Variants in TMEM132A observed in about 807,000 individuals in gnomAD.
TMEM132A encodes the protein GRP78-binding protein.
In TMEM132A, 48 loss-of-function variants were observed where a neutral mutation model predicts 69.9. The observed-to-expected ratio is 0.69, with a 90% confidence interval of 0.55 to 0.87. The LOEUF is 0.87. TMEM132A is among the 40% of genes least tolerant of loss of function. TMEM132A has a pLI of 0.00. For synonymous variants in TMEM132A, 577 were observed against 613.7 expected (o/e 0.94, Z 0.88); for missense variants, 1,287 against 1,407.2 (o/e 0.91, Z 1.37).
At position 60,927,734 on chromosome 11, in the gene TMEM132A, C is replaced by T. The variant is rs903604983; in HGVS notation, c.409C>T (p.Pro137Ser). Residue 137 changes from proline (P) to serine (S), a missense_variant, in exon 3 of 11, where the codon CCC (proline) becomes TCC (serine). Transcript: ENST00000453848. The part of the protein sequence containing the change: ...SVEAAVTPAE[P>S]YARVLFHLKG... Reference sequence around the variant, plus strand: ...GGAAGCGGCTGTGACTCCAGCAGAGCCCTACGCCCGGGTTCTCTTCCACCT... The same window carrying T: ...GGAAGCGGCTGTGACTCCAGCAGAGTCCTACGCCCGGGTTCTCTTCCACCT... The T allele has an allele frequency of 7.4e-6, 12 of 1,613,460 alleles. No individual in the cohort carries two copies. The highest frequency in any genetic ancestry group is 6.7e-5 in the African/African-American group (5 of 74,940).
At chr11:60,931,059 A>C (rs1396076842) in intron 5 of TMEM132A, among the ~76,000 whole-genome samples, 1 of 152,164 alleles carries the variant, frequency 6.6e-6, no homozygotes, top group East Asian at 1.9e-4. Flanking sequence ...TCATGCCCTG[A>C]GCCTGGGTCA....
Position 60,928,651 on chromosome 11 carries a change from T to C in TMEM132A, c.557T>C (p.Val186Ala). The C allele has an allele frequency of 6.2e-7, 1 of 1,609,752 alleles. No individual in the cohort carries two copies. Among genetic ancestry groups the C allele is most frequent in the Non-Finnish European group, 8.5e-7 (1 of 1,179,938 alleles). The change falls in exon 4 of 11, where the codon GTG (valine) becomes GCG (alanine). Residue 186 changes from valine (V) to alanine (A), a missense_variant. Coordinates refer to ENST00000453848, the MANE Select transcript of TMEM132A (RefSeq NM_178031.3). Reference sequence around the variant, plus strand: ...CAGCCATCCCTGGGCGCCTGCGTGGTGGAGCTGGAGCTTCCCTCGCACTGG... The same window carrying C: ...CAGCCATCCCTGGGCGCCTGCGTGGCGGAGCTGGAGCTTCCCTCGCACTGG... Reference protein sequence around the residue: ...RFQPSLGACVVELELPSHWFS... With the variant: ...RFQPSLGACVAELELPSHWFS...
chr11:60,934,396 C>T (rs1042163645), intron 8 of TMEM132A, 92 bp from the exon 9 acceptor site: 3 of 1,181,810 alleles, frequency 2.5e-6, no homozygotes, highest in South Asian at 4.6e-5. Flanking sequence ...TAGGAGCCGC[C>T]GGGGACGAGC....
Position 60,933,599 on chromosome 11 carries a change from GGGGT to G in TMEM132A, c.1416_1419del (p.Val473GlufsTer15). Reference sequence around the variant, plus strand: ...TGGCAAGGAGAGCCGGGGCGCCCGGGGGGTGCGAGTGGACTTCTGGTGGCGCCGG... The same window carrying G: ...TGGCAAGGAGAGCCGGGGCGCCCGGGGCGAGTGGACTTCTGGTGGCGCCGG... On this transcript the variant is annotated frameshift_variant, in exon 8 of 11. Coordinates refer to ENST00000453848, the MANE Select transcript of TMEM132A (RefSeq NM_178031.3). LOFTEE classifies it high-confidence loss of function. 6.2e-7 allele frequency: 1 copy of G among 1,607,340 alleles called. No homozygotes were observed. The highest frequency in any genetic ancestry group is 8.5e-7 in the Non-Finnish European group (1 of 1,179,318).
rs1856578040 is a variant in TMEM132A at position 60,935,648 on chromosome 11, TCTAA to T, written c.2028+208_2029-210del. ...GGCAGTGGGAGGTTGGTTAGATGGC[TCTAA>T]CTGAGGACCCTCCCAATAACTCAGA... On this transcript the variant is annotated intron_variant, in intron 10 of 10. Coordinates refer to ENST00000453848, the MANE Select transcript of TMEM132A (RefSeq NM_178031.3). The surrounding 1 kb of genome is among the most constrained non-coding windows in gnomAD (Gnocchi z 5.0). 1.5e-5 allele frequency: 12 copies of T among 776,868 alleles called. No individual in the cohort carries two copies. The highest frequency in any genetic ancestry group is 3.7e-5 in the South Asian group (2 of 54,670). 48.1% of individuals were successfully genotyped at this position (776,868 alleles called of 1,614,324 possible).
At chr11:60,928,498 G>A in intron 3 of TMEM132A, 131 bp from the exon 4 acceptor site, 3 of 851,998 alleles carry the variant, frequency 3.5e-6, no homozygotes, top group Non-Finnish European at 3.6e-6. Context: ...CTCAGGCTGT[G>A]TCTCCGGCCC....
rs1856606830 is a variant in TMEM132A, at chr11:60,936,536, G to A, written c.2701G>A (p.Asp901Asn). 2.5e-6 allele frequency: 4 copies of A among 1,613,026 alleles called. No individual in the cohort carries two copies. The highest frequency in any genetic ancestry group is 1.3e-5 in the African/African-American group (1 of 74,928). Residue 901 changes from aspartate to asparagine, a missense_variant, in exon 11 of 11, where the codon GAC becomes AAC. Coordinates refer to ENST00000453848, the MANE Select transcript of TMEM132A (RefSeq NM_178031.3). ...QPHNWVWLGTDQEELSRQLDR... is the reference protein window; with the variant it reads ...QPHNWVWLGTNQEELSRQLDR... Reference sequence around the variant, plus strand: ...CCACAACTGGGTCTGGCTGGGCACTGACCAGGAGGAACTGAGCCGCCAGCT... The same window carrying A: ...CCACAACTGGGTCTGGCTGGGCACTAACCAGGAGGAACTGAGCCGCCAGCT...
intron 8 of TMEM132A, 29 bp downstream of exon 8, chr11:60,933,773 G>A (rs369934839): frequency 4.6e-6 from 7 of 1,538,360 alleles, no homozygotes; most frequent in African/African-American, 1.4e-5. Context: ...AAGCTGGCAG[G>A]CCTTGGCGAG....
chr11:60,929,390 G>A (rs1221114936), intron 4 of TMEM132A, among the ~76,000 whole-genome samples: 1 of 152,196 alleles, frequency 6.6e-6, no homozygotes, highest in Admixed American at 6.5e-5. Flanking sequence ...CTCGCCGTAG[G>A]AGTCTAGCCT....
chr11:60,925,196 C>G (rs898838160), intron 1 of TMEM132A: 2 of 154,512 alleles, frequency 1.3e-5, no homozygotes, highest in African/African-American at 4.8e-5. Context: ...CCCTCCCTCC[C>G]CCTTCCCCCA....
intron 7 of TMEM132A, 91 bp from the exon 8 acceptor site, chr11:60,933,451 T>C (rs1243142320): frequency 9.1e-7 from 1 of 1,100,412 alleles, no homozygotes. Flanking sequence ...CTCAGAGTGC[T>C]GGGACTACAG....
At position 60,936,657 on chromosome 11, in the gene TMEM132A, C is replaced by T; in HGVS notation, c.2822C>T (p.Pro941Leu). ...GCCCCTACCCTGGCCCCTGGCCCTC[C>T]TGGGGGCACCACCAGCTCCTCAAGC... ...GEAPTLAPGP[P>L]GGTTSSSSTL... The change falls in exon 11 of 11, where the codon CCT becomes CTT. Residue 941 changes from proline to leucine, a missense_variant. Pro to Leu is a moderately conservative substitution (Grantham distance 98, BLOSUM62 -3). Transcript: ENST00000453848. The T allele has an allele frequency of 6.4e-7, 1 of 1,553,104 alleles. No homozygotes were observed. Among genetic ancestry groups the T allele is most frequent in the East Asian group, 2.3e-5 (1 of 44,342 alleles).
At chr11:60,925,587 T>C (rs940469681) in intron 1 of TMEM132A, 9 of 152,244 alleles carry the variant, frequency 5.9e-5, no homozygotes, top group African/African-American at 2.2e-4. Flanking sequence ...AGCCTGTCAG[T>C]CATATGCTCC....
chr11:60,934,879 G>T, intron 9 of TMEM132A, 115 bp downstream of exon 9: 2 of 1,147,020 alleles, frequency 1.7e-6, no homozygotes, highest in East Asian at 5.1e-5. Context: ...TGGGGGAGTT[G>T]TGCGGTCTAG....
rs1035714565 is a variant in TMEM132A, at chr11:60,934,591, G to A, written c.1663G>A (p.Ala555Thr). 3 of 1,563,960 alleles carry A rather than the reference G, an allele frequency of 1.9e-6. No individual in the cohort carries two copies. Among genetic ancestry groups the A allele is most frequent in the Non-Finnish European group, 2.6e-6 (3 of 1,163,822 alleles). ...CGGTGTGCGCTTCCTCGCCCCCTTC[G>A]CGGCCCACCCGCTGGACGGCGGCCG... Reference protein sequence around the residue: ...RAGVRFLAPFAAHPLDGGRRL... With the variant: ...RAGVRFLAPFTAHPLDGGRRL... The change falls in exon 9 of 11, where the codon GCG (alanine) becomes ACG (threonine). Residue 555 changes from alanine to threonine, a missense_variant. Physicochemically the swap from Ala to Thr is moderately conservative, Grantham distance 58. Transcript: ENST00000453848.
In TMEM132A at chr11:60,935,263, A is replaced by C; in HGVS notation, c.1848A>C (p.Pro616=). Residue 616 remains proline (P), a synonymous_variant, in exon 10 of 11, where the codon CCA becomes CCC. Coordinates refer to ENST00000453848, the MANE Select transcript of TMEM132A (RefSeq NM_178031.3). The surrounding 1 kb of genome is among the most constrained non-coding windows in gnomAD (Gnocchi z 5.0). ...CTTTCCACCCTCAGGTGCGTTCCCC[A>C]CTGTCTGACTCCATCCTGGGGGAGC... The part of the protein sequence containing the change: ...PGVTSIEVRS[P]LSDSILGEQA... 1 of 1,609,642 alleles carries C rather than the reference A, an allele frequency of 6.2e-7. No homozygotes were observed. The highest frequency in any genetic ancestry group is 8.5e-7 in the Non-Finnish European group (1 of 1,178,758).
rs140765233 is a variant in TMEM132A at position 60,936,465 on chromosome 11, G to T, written c.2630G>T (p.Arg877Leu). Residue 877 changes from arginine to leucine, a missense_variant, in exon 11 of 11, where the codon CGC (arginine) becomes CTC (leucine). Physicochemically the swap from Arg to Leu is moderately radical, Grantham distance 102. Transcript: ENST00000453848. ...NGVVFVLRYQ[R>L]KEPPDSATDP... is the part of the protein sequence containing the mutation. ...GTGGTCTTCGTCCTGCGCTATCAGCGCAAAGAACCTCCCGACAGTGCCACT... is the reference window on the plus strand; with the variant it reads ...GTGGTCTTCGTCCTGCGCTATCAGCTCAAAGAACCTCCCGACAGTGCCACT... The T allele has an allele frequency of 1.1e-5, 17 of 1,614,150 alleles. No individual in the cohort carries two copies. Among genetic ancestry groups the T allele is most frequent in the Non-Finnish European group, 1.4e-5 (17 of 1,180,008 alleles).
intron 4 of TMEM132A, 52 bp from the exon 5 acceptor site, chr11:60,930,458 C>A: frequency 6.6e-7 from 1 of 1,512,754 alleles, no homozygotes; most frequent in African/African-American, 1.4e-5. Flanking sequence ...TTCAATCCAG[C>A]CCACAGTTCA....
intron 5 of TMEM132A, among the ~76,000 whole-genome samples, chr11:60,930,988 G>A (rs1179635135): frequency 6.6e-6 from 1 of 152,102 alleles, no homozygotes; most frequent in Non-Finnish European, 1.5e-5. Context: ...TCCTTTCTCT[G>A]GGCCGTTCAC....
Sources: allele counts gnomAD v4.1 joint callset (sites outside exome capture counted in the v4.1 genomes callset), GRCh38; gene constraint gnomAD v4.1.1; non-coding constraint Gnocchi (gnomAD v3.1); transcripts MANE v1.5; gene names NCBI Gene and HGNC (gene_info 2026-07-23, HGNC 2026-07-21).